The following DACH1 variants were observed in gnomAD, a reference collection of about 807,000 sequenced individuals.
DACH1 encodes dachshund family transcription factor 1.
A neutral mutation model predicts 54.2 loss-of-function variants in DACH1; 12 were observed. The observed-to-expected ratio is 0.22, with a 90% CI of 0.14 to 0.36. The LOEUF is 0.36. DACH1 is among the 10% of genes least tolerant of loss of function. The pLI is 1.00. For synonymous variants in DACH1, 386 were observed against 366.2 expected, an observed-to-expected ratio of 1.05 and a Z score of -0.62; for missense variants, 805 against 929.8, an observed-to-expected ratio of 0.87 and a Z score of 1.75.
intron 2 of DACH1, among the ~76,000 whole-genome samples, chr13:71,633,971 CTTT>C (rs5804582): frequency 4.0e-4 from 57 of 142,408 alleles, no homozygotes; most frequent in African/African-American, 1.4e-3. Flanking sequence ...TTTTTTCTTC[CTTT>C]TTTTTTTTTT....
chr13:71,771,316 G>A (rs4884958), intron 1 of DACH1, among the ~76,000 whole-genome samples: 8,082 of 78,858 alleles, frequency 0.1, 293 homozygotes, highest in African/African-American at 0.17. Flanking sequence ...GAAGCAAAAG[G>A]ATAAATAAAT....
intron 2 of DACH1, among the ~76,000 whole-genome samples, chr13:71,633,348 A>G (rs1877243992): frequency 6.6e-6 from 1 of 152,176 alleles, no homozygotes; most frequent in African/African-American, 2.4e-5. Flanking sequence ...CATGCTATTC[A>G]TTCTAGTTTG....
In DACH1 at chr13:71,684,411, T is replaced by C. The variant is rs116854331; in HGVS notation, c.849-2501A>G. 8.5e-5 allele frequency among the ~76,000 whole-genome samples: 13 copies of C among 152,262 alleles called. No individual in the cohort carries two copies. In the East Asian group the frequency reaches 1.5e-3, roughly 18 times the overall value. ...TTTCAACACTTTATTCCTACATTCA[T>C]AGCTTATATTTGGCCCTACTCAGTT... On this transcript the variant is annotated intron_variant, in intron 1 of 10. Transcript: ENST00000613252.
intron 1 of DACH1, among the ~76,000 whole-genome samples, chr13:71,824,439 A>T (rs968451704): frequency 6.6e-6 from 1 of 152,034 alleles, no homozygotes; most frequent in African/African-American, 2.4e-5. Flanking sequence ...ATGTCACATA[A>T]ACATGATAAG....
intron 3 of DACH1, among the ~76,000 whole-genome samples, chr13:71,599,066 A>T (rs1874311906): frequency 6.6e-6 from 1 of 152,148 alleles, no homozygotes; most frequent in South Asian, 2.1e-4. Flanking sequence ...TCTAAACCAC[A>T]AAACTTTACT....
intron 1 of DACH1, among the ~76,000 whole-genome samples, chr13:71,787,985 TATA>T (rs1034803564): frequency 1.3e-5 from 2 of 152,188 alleles, no homozygotes; most frequent in African/African-American, 4.8e-5. Flanking sequence ...AATACAGTGA[TATA>T]GTAGTGTATA....
At chr13:71,614,459 A>G (rs976671327) in intron 3 of DACH1, among the ~76,000 whole-genome samples, 1 of 152,144 alleles carries the variant, frequency 6.6e-6, no homozygotes, top group Non-Finnish European at 1.5e-5. Flanking sequence ...AGGAAAAAAA[A>G]CCCAAATTTC....
At chr13:71,635,193 T>C (rs1877391145) in intron 2 of DACH1, among the ~76,000 whole-genome samples, 2 of 152,222 alleles carry the variant, frequency 1.3e-5, no homozygotes, top group Non-Finnish European at 2.9e-5. Flanking sequence ...ATTATTGTTA[T>C]GTTACATTAA....
In DACH1 at chr13:71,681,825, G is replaced by A. The variant is rs1880914623; in HGVS notation, c.934C>T (p.Leu312Phe). Reference protein sequence around the residue: ...SHIMPHSVPGLMSPGIIPPTG... With the variant: ...SHIMPHSVPGFMSPGIIPPTG... The stretch of plus-strand genomic sequence containing the variant: ...GGTGGAATTATCCCAGGAGACATGA[G>A]ACCAGGGACAGAATGCGGCATGATG... Residue 312 changes from leucine (L) to phenylalanine (F), a missense_variant, in exon 2 of 11, where the codon CTC (leucine) becomes TTC (phenylalanine). By Grantham distance (22) the Leu-to-Phe change is conservative. This residue lies in a region of DACH1 where 472 missense variants were observed against 545.3 expected (regional missense o/e 0.87). Coordinates refer to ENST00000613252, the MANE Select transcript of DACH1 (RefSeq NM_080759.6). The A allele has an allele frequency of 6.2e-7, 1 of 1,613,744 alleles. No homozygotes were observed. Among genetic ancestry groups the A allele is most frequent in the Admixed American group, 1.7e-5 (1 of 59,994 alleles).
chr13:71,652,637 T>G (rs1878764713), intron 2 of DACH1, among the ~76,000 whole-genome samples: 1 of 152,186 alleles, frequency 6.6e-6, no homozygotes, highest in Non-Finnish European at 1.5e-5. Flanking sequence ...TAATCAGTTA[T>G]TATTAATTCA....
chr13:71,813,989 G>A (rs1010476672), intron 1 of DACH1, among the ~76,000 whole-genome samples: 4 of 152,054 alleles, frequency 2.6e-5, no homozygotes, highest in Non-Finnish European at 5.9e-5. Flanking sequence ...TTGTAGTCTC[G>A]GAATAATTAT....
chr13:71,542,618 A>T (rs1007631640), intron 6 of DACH1, among the ~76,000 whole-genome samples: 4 of 152,144 alleles, frequency 2.6e-5, no homozygotes, highest in Non-Finnish European at 5.9e-5. Context: ...CAATGAGAAA[A>T]GTCTGTTTAA....
chr13:71,553,643 A>T (rs1246629364), intron 6 of DACH1, among the ~76,000 whole-genome samples: 1 of 142,510 alleles, frequency 7.0e-6, no homozygotes, highest in Non-Finnish European at 1.5e-5. Flanking sequence ...TTTGTATTTT[A>T]TATATATAGT....
At chr13:71,570,168 C>T (rs1168272414) in intron 4 of DACH1, among the ~76,000 whole-genome samples, 3 of 152,304 alleles carry the variant, frequency 2.0e-5, no homozygotes, top group East Asian at 3.9e-4. Context: ...CTTCTCCTCT[C>T]TAATACTTAG....
chr13:71,571,988 G>A (rs952525237), intron 4 of DACH1, among the ~76,000 whole-genome samples: 2 of 151,994 alleles, frequency 1.3e-5, no homozygotes, highest in Admixed American at 6.6e-5. Context: ...GAACAGGGCC[G>A]TTTATATAAG....
chr13:71,477,305 T>C (rs1014014870), intron 8 of DACH1, among the ~76,000 whole-genome samples: 2 of 151,064 alleles, frequency 1.3e-5, no homozygotes, highest in Non-Finnish European at 3.0e-5. Context: ...TATTTTTTAG[T>C]AGAGGCGCGG....
chr13:71,846,556 G>A (rs1873283923), intron 1 of DACH1, among the ~76,000 whole-genome samples: 1 of 152,288 alleles, frequency 6.6e-6, no homozygotes, highest in Admixed American at 6.5e-5. Context: ...CTTGAACCCC[G>A]GAGGCGGATC....
At chr13:71,770,199 T>C (rs1030849528) in intron 1 of DACH1, among the ~76,000 whole-genome samples, 3 of 151,856 alleles carry the variant, frequency 2.0e-5, no homozygotes, top group African/African-American at 7.2e-5. Flanking sequence ...TTACAAGGCC[T>C]GAAATCCTTG....
chr13:71,561,790 C>T (rs901952470), intron 4 of DACH1, among the ~76,000 whole-genome samples: 2 of 152,030 alleles, frequency 1.3e-5, no homozygotes, highest in African/African-American at 2.4e-5. Context: ...TTTTGTCACA[C>T]TCTTTTAATT....
Sources: allele counts gnomAD v4.1 joint callset (sites outside exome capture counted in the v4.1 genomes callset), GRCh38; gene constraint gnomAD v4.1.1; regional missense constraint gnomAD v4.1.1; transcripts MANE v1.5; gene names NCBI Gene and HGNC (gene_info 2026-07-23, HGNC 2026-07-21).